GPC6: variants seen among roughly 807,000 people sequenced by gnomAD.
The protein encoded by GPC6 is glypican-6.
In GPC6, 14 loss-of-function variants were observed where a neutral mutation model predicts 55.2. The observed-to-expected ratio is 0.25, with a 90% confidence interval of 0.17 to 0.40. The LOEUF is 0.40. GPC6 is among the 10% of genes least tolerant of loss of function. The pLI is 1.00. For missense variants in GPC6, 641 were observed against 708.5 expected (o/e 0.90, Z 1.08); for synonymous variants, 278 against 259.6 (o/e 1.07, Z -0.68).
At chr13:93,736,666 T>C (rs1046926529) in intron 2 of GPC6, among the ~76,000 whole-genome samples, 2 of 152,200 alleles carry the variant, frequency 1.3e-5, no homozygotes, top group African/African-American at 4.8e-5. Flanking sequence ...CATAGCCTTA[T>C]AATTGTGTAC....
At chr13:93,415,007 A>T (rs1323989) in intron 1 of GPC6, among the ~76,000 whole-genome samples, 1 of 152,220 alleles carries the variant, frequency 6.6e-6, no homozygotes, top group African/African-American at 2.4e-5. Flanking sequence ...AAACAAACAC[A>T]GTTAACATTT....
At chr13:93,836,865 T>C (rs980504741) in intron 3 of GPC6, among the ~76,000 whole-genome samples, 1 of 152,022 alleles carries the variant, frequency 6.6e-6, no homozygotes, top group African/African-American at 2.4e-5. Context: ...GCACTAGAAA[T>C]TACAAGAGTA....
chr13:93,878,451 A>G (rs1446174507), intron 3 of GPC6, among the ~76,000 whole-genome samples: 1 of 150,202 alleles, frequency 6.7e-6, no homozygotes. Flanking sequence ...ATCTTGGCTC[A>G]CTACAACAAC....
At chr13:94,350,577 A>G (rs1878491734) in intron 6 of GPC6, among the ~76,000 whole-genome samples, 1 of 152,174 alleles carries the variant, frequency 6.6e-6, no homozygotes, top group African/African-American at 2.4e-5. Flanking sequence ...TGAGTATAGT[A>G]TTATCTCCAG....
At chr13:93,789,521 A>T (rs1368248820) in intron 2 of GPC6, among the ~76,000 whole-genome samples, 1 of 139,282 alleles carries the variant, frequency 7.2e-6, no homozygotes, top group Admixed American at 7.4e-5. Context: ...ATATATATAT[A>T]TATATATATA....
At chr13:94,088,742 A>G (rs995282972) in intron 4 of GPC6, among the ~76,000 whole-genome samples, 4 of 54,920 alleles carry the variant, frequency 7.3e-5, no homozygotes, top group African/African-American at 1.6e-4. Flanking sequence ...TGTAATTTCA[A>G]TATGGTTTTA....
At chr13:94,034,070 C>T (rs1329763325) in intron 4 of GPC6, among the ~76,000 whole-genome samples, 2 of 152,140 alleles carry the variant, frequency 1.3e-5, no homozygotes, top group African/African-American at 2.4e-5. Context: ...ATCCAACCCT[C>T]TGTCTTTCTT....
At chr13:93,308,654 C>T (rs2139104941) in intron 1 of GPC6, among the ~76,000 whole-genome samples, 1 of 152,272 alleles carries the variant, frequency 6.6e-6, no homozygotes, top group South Asian at 2.1e-4. Flanking sequence ...GTTGGTCAGG[C>T]TGGTCTCGAA....
intron 2 of GPC6, among the ~76,000 whole-genome samples, chr13:93,621,065 G>A (rs771921034): frequency 2.2e-4 from 33 of 152,248 alleles, no homozygotes; most frequent in Non-Finnish European, 3.1e-4. Flanking sequence ...TGGTGGTGAC[G>A]AATTGCAATA....
At chr13:94,348,461 C>A (rs931437452) in intron 6 of GPC6, among the ~76,000 whole-genome samples, 1 of 152,208 alleles carries the variant, frequency 6.6e-6, no homozygotes, top group African/African-American at 2.4e-5. Context: ...GCCTTTCTGA[C>A]AAACTCCCAG....
intron 3 of GPC6, among the ~76,000 whole-genome samples, chr13:93,905,628 CAATA>C (rs1200673649): frequency 6.6e-6 from 1 of 152,158 alleles, no homozygotes; most frequent in Non-Finnish European, 1.5e-5. Flanking sequence ...CTAATTTAAT[CAATA>C]AATATGTTTT....
intron 1 of GPC6, among the ~76,000 whole-genome samples, chr13:93,362,905 G>A (rs1881092680): frequency 6.6e-6 from 1 of 152,050 alleles, no homozygotes; most frequent in South Asian, 2.1e-4. Context: ...GAGTCTCCCA[G>A]ATTCCATCGC....
chr13:93,507,576 A>G (rs944675088), intron 1 of GPC6, among the ~76,000 whole-genome samples: 8 of 152,262 alleles, frequency 5.3e-5, no homozygotes, highest in Non-Finnish European at 8.8e-5. Flanking sequence ...ATAATGATAT[A>G]GCCAGCAAAT....
At chr13:93,355,477 G>A (rs75590312) in intron 1 of GPC6, among the ~76,000 whole-genome samples, 2,599 of 152,324 alleles carry the variant, frequency 0.017, 79 homozygotes, top group African/African-American at 0.059. Context: ...TGGGAGGTAA[G>A]AAGAGAAGTC....
At chr13:93,408,496 G>T (rs533856733) in intron 1 of GPC6, among the ~76,000 whole-genome samples, 1 of 152,154 alleles carries the variant, frequency 6.6e-6, no homozygotes, top group Non-Finnish European at 1.5e-5. Context: ...GAAGCAAACT[G>T]AGCAATATTA....
At chr13:94,047,919 A>G (rs1883788507) in intron 4 of GPC6, among the ~76,000 whole-genome samples, 1 of 152,138 alleles carries the variant, frequency 6.6e-6, no homozygotes, top group Non-Finnish European at 1.5e-5. Flanking sequence ...CCTCAAATCT[A>G]GTTAATGCAT....
At chr13:94,126,148 G>A (rs1024775599) in intron 4 of GPC6, among the ~76,000 whole-genome samples, 5 of 152,144 alleles carry the variant, frequency 3.3e-5, no homozygotes, top group Non-Finnish European at 7.4e-5. Flanking sequence ...GAGAGGCAGA[G>A]GCAGGAGGAT....
At chr13:93,558,295 C>A (rs1186381776) in intron 2 of GPC6, among the ~76,000 whole-genome samples, 1 of 152,174 alleles carries the variant, frequency 6.6e-6, no homozygotes, top group Non-Finnish European at 1.5e-5. Context: ...TCATAGTGCT[C>A]ACTTTCTTAC....
At chr13:93,409,867 T>A (rs1876431087) in intron 1 of GPC6, among the ~76,000 whole-genome samples, 1 of 152,280 alleles carries the variant, frequency 6.6e-6, no homozygotes, top group Admixed American at 6.5e-5. Flanking sequence ...ATTAAGGAAA[T>A]GGCCAGAAGT....
Sources: gnomAD v4.1 joint callset for allele counts (sites outside exome capture counted in the v4.1 genomes callset) on GRCh38, gnomAD v4.1.1 for gene constraint, MANE v1.5 for transcripts, NCBI Gene and HGNC (gene_info 2026-07-23, HGNC 2026-07-21) for gene names.